Variants in DNAH7 observed in about 807,000 individuals in gnomAD.
The protein encoded by DNAH7 is dynein axonemal heavy chain 7, also known as axonemal beta dynein heavy chain 7.
A neutral mutation model predicts 444.6 loss-of-function variants in DNAH7; 397 were observed. That is an observed-to-expected ratio of 0.89 (90% CI 0.82 to 0.97). DNAH7 has a LOEUF of 0.97. DNAH7 is among the 50% of genes least tolerant of loss of function. The pLI, the probability that DNAH7 is intolerant of heterozygous loss-of-function variation, is 0.00. For missense variants in DNAH7, 4,902 were observed against 4,800.8 expected (o/e 1.02, Z -0.62); for synonymous variants, 1,636 against 1,624.4 (o/e 1.01, Z -0.17).
At position 195,970,036 on chromosome 2, in the gene DNAH7, A is replaced by C; in HGVS notation, c.2117T>G (p.Phe706Cys). The C allele has an allele frequency of 6.2e-7, 1 of 1,613,026 alleles. No homozygotes were observed. Among genetic ancestry groups the C allele is most frequent in the Non-Finnish European group, 8.5e-7 (1 of 1,179,564 alleles). The change falls in exon 17 of 65, where the codon TTT (phenylalanine) becomes TGT (cysteine). Residue 706 changes from phenylalanine (F) to cysteine (C), a missense_variant. Coordinates refer to ENST00000312428, the MANE Select transcript of DNAH7 (RefSeq NM_018897.3). ...LESYAKQSEE[F>C]YSFGDLQDVQ... is the part of the protein sequence containing the mutation. ...ATCCTGAAGATCTCCAAATGAATAA[A>C]ATTCTTCTGATTGCTTAGCATAACT...
At chr2:195,803,412 C>A (rs891730974) in intron 54 of DNAH7, among the ~76,000 whole-genome samples, 3 of 152,182 alleles carry the variant, frequency 2.0e-5, no homozygotes, top group African/African-American at 7.2e-5. Context: ...TGAGAGTGAT[C>A]AGAGACAAAT....
chr2:195,844,847 TAA>T (rs1364269784), intron 47 of DNAH7, among the ~76,000 whole-genome samples, 153 bp downstream of exon 47: 2 of 152,168 alleles, frequency 1.3e-5, no homozygotes, highest in South Asian at 2.1e-4. Context: ...ATAATATTAA[TAA>T]GAGAAGGAAG....
At position 196,031,061 on chromosome 2, in the gene DNAH7, G is replaced by C. The variant is rs537485129; in HGVS notation, c.399-3014C>G. 6.6e-4 allele frequency among the ~76,000 whole-genome samples: 100 copies of C among 152,366 alleles called. 1 individual carries two copies. The highest frequency in any genetic ancestry group is 1.2e-3 in the Admixed American group (19 of 15,310). On this transcript the variant is annotated intron_variant, in intron 5 of 64. Transcript: ENST00000312428. ...ATCAGAGGTTGTCCATGAGGGCCCT[G>C]CCCTTGCAGGAAACTTTTGCCTGGG... is the stretch of plus-strand genomic sequence containing the variant.
chr2:195,866,466 T>C (rs1303542992), intron 40 of DNAH7, among the ~76,000 whole-genome samples: 1 of 152,224 alleles, frequency 6.6e-6, no homozygotes, highest in Non-Finnish European at 1.5e-5. Context: ...TACATGCCAA[T>C]GGCCAATCTT....
intron 61 of DNAH7, among the ~76,000 whole-genome samples, chr2:195,768,979 T>C (rs1047370441): frequency 7.2e-5 from 11 of 152,300 alleles, no homozygotes; most frequent in East Asian, 5.8e-4. Context: ...CCCAGTTAGA[T>C]TGTGTCTTTC....
chr2:195,912,633 C>CT (rs1342916473), intron 24 of DNAH7, among the ~76,000 whole-genome samples: 10 of 152,186 alleles, frequency 6.6e-5, no homozygotes, highest in Non-Finnish European at 7.3e-5. Flanking sequence ...ACTGGAAGGG[C>CT]TTTAAGGAAC....
chr2:195,902,392 A>C (rs1283911196), intron 27 of DNAH7: 4 of 151,594 alleles, frequency 2.6e-5, no homozygotes, highest in Admixed American at 2.0e-4. Context: ...CACATCAGGG[A>C]AAAAAGAGCA....
At chr2:195,992,377 T>G (rs571472226) in intron 12 of DNAH7, among the ~76,000 whole-genome samples, 1 of 152,288 alleles carries the variant, frequency 6.6e-6, no homozygotes, top group East Asian at 1.9e-4. Context: ...CACCTTTGTT[T>G]TTTTCCCAAA....
intron 63 of DNAH7, among the ~76,000 whole-genome samples, chr2:195,748,048 C>T (rs2105894436): frequency 6.6e-6 from 1 of 152,194 alleles, no homozygotes; most frequent in African/African-American, 2.4e-5. Flanking sequence ...TGAAATTGTC[C>T]CTGTTTGCAG....
At chr2:196,017,801 T>A (rs1376345613) in intron 9 of DNAH7, among the ~76,000 whole-genome samples, 1 of 152,038 alleles carries the variant, frequency 6.6e-6, no homozygotes, top group Non-Finnish European at 1.5e-5. Flanking sequence ...AAAATAACCT[T>A]CAGGTGGTCA....
At chr2:195,840,018 G>A (rs1211392776) in intron 47 of DNAH7, among the ~76,000 whole-genome samples, 1 of 151,744 alleles carries the variant, frequency 6.6e-6, no homozygotes, top group Non-Finnish European at 1.5e-5. Flanking sequence ...TAGGAGGCCA[G>A]CATTACTCTG....
chr2:195,973,901 C>T (rs1394242646), intron 15 of DNAH7, among the ~76,000 whole-genome samples: 2 of 151,962 alleles, frequency 1.3e-5, no homozygotes, highest in African/African-American at 4.8e-5. Context: ...ATGGTGAAAC[C>T]CCGTCTCTAC....
intron 14 of DNAH7, among the ~76,000 whole-genome samples, chr2:195,986,603 G>A (rs929285175): frequency 4.6e-5 from 7 of 151,998 alleles, no homozygotes; most frequent in East Asian, 1.9e-4. Flanking sequence ...CAGTTTTCCC[G>A]AAAATCCCTA....
chr2:195,761,541 C>A (rs1694352563), intron 61 of DNAH7, among the ~76,000 whole-genome samples: 1 of 152,006 alleles, frequency 6.6e-6, no homozygotes, highest in Non-Finnish European at 1.5e-5. Context: ...ATTTAACAAT[C>A]AAACTCCCAA....
At chr2:195,882,588 G>A (rs948199621) in intron 35 of DNAH7, among the ~76,000 whole-genome samples, 3 of 152,110 alleles carry the variant, frequency 2.0e-5, no homozygotes, top group African/African-American at 7.2e-5. Flanking sequence ...CTTAATATGA[G>A]ATTATTATTA....
At chr2:196,016,596 C>T (rs1243091073) in intron 9 of DNAH7, among the ~76,000 whole-genome samples, 1 of 152,060 alleles carries the variant, frequency 6.6e-6, no homozygotes, top group Non-Finnish European at 1.5e-5. Context: ...AGCAGAGGCC[C>T]CTGAAGTATG....
intron 3 of DNAH7, among the ~76,000 whole-genome samples, chr2:196,050,954 T>C (rs1401857496): frequency 6.6e-6 from 1 of 152,206 alleles, no homozygotes; most frequent in Non-Finnish European, 1.5e-5. Context: ...TGCTAACCAA[T>C]CTTGGCAAGT....
rs79896109 is a variant in DNAH7 at position 195,841,978 on chromosome 2, C to T, written c.8945+3024G>A. On this transcript the variant is annotated intron_variant, in intron 47 of 64. Transcript: ENST00000312428. ...TTGAATATGAAGCAGCAATACATTT[C>T]AGAGTTTTGATATTTTCGTTTTTAC... Among the ~76,000 whole-genome samples, 882 of 152,110 alleles carry T rather than the reference C, an allele frequency of 5.8e-3. 2 individuals carry two copies. The highest frequency in any genetic ancestry group is 0.01 in the Non-Finnish European group (703 of 67,898).
intron 21 of DNAH7, 118 bp from the exon 22 acceptor site, chr2:195,926,684 T>C: frequency 1.1e-6 from 1 of 895,264 alleles, no homozygotes; most frequent in Admixed American, 3.3e-5. Context: ...TCTTAGACAT[T>C]TATGCAAGAC....
Sources: allele counts gnomAD v4.1 joint callset (sites outside exome capture counted in the v4.1 genomes callset), GRCh38; gene constraint gnomAD v4.1.1; transcripts MANE v1.5; gene names NCBI Gene and HGNC (gene_info 2026-07-23, HGNC 2026-07-21).